Variants in RBFOX1 observed in about 807,000 individuals in gnomAD.
RBFOX1 encodes the protein RNA binding protein fox-1 homolog 1.
A neutral mutation model predicts 57.7 loss-of-function variants in RBFOX1; 8 were observed. The observed-to-expected ratio is 0.14, with a 90% CI of 0.08 to 0.25. RBFOX1 has a LOEUF of 0.25. RBFOX1 is among the 10% of genes least tolerant of loss of function. The pLI is 1.00. For missense variants in RBFOX1, 611 were observed against 548.5 expected, an observed-to-expected ratio of 1.11 and a Z score of -1.14; for synonymous variants, 326 against 222.4, an observed-to-expected ratio of 1.47 and a Z score of -4.15.
chr16:6,894,738 T>C (rs552234738), intron 3 of RBFOX1, among the ~76,000 whole-genome samples: 1 of 152,192 alleles, frequency 6.6e-6, no homozygotes, highest in Non-Finnish European at 1.5e-5. Flanking sequence ...TACCAACAGA[T>C]TGTATCAGTT....
intron 3 of RBFOX1, among the ~76,000 whole-genome samples, chr16:6,791,473 A>G (rs908241081): frequency 6.6e-6 from 1 of 152,200 alleles, no homozygotes; most frequent in Non-Finnish European, 1.5e-5. Flanking sequence ...AAAGTAGAGC[A>G]TCACGCCAGT....
At chr16:6,242,293 T>G (rs2152928027) in intron 1 of RBFOX1, among the ~76,000 whole-genome samples, 1 of 152,314 alleles carries the variant, frequency 6.6e-6, no homozygotes, top group African/African-American at 2.4e-5. Context: ...CCTTTGCTAC[T>G]TAATCAAATA....
At chr16:5,470,682 C>A (rs535547879) in intron 2 of RBFOX1, among the ~76,000 whole-genome samples, 118 of 152,028 alleles carry the variant, frequency 7.8e-4, no homozygotes, top group Non-Finnish European at 1.4e-3. Flanking sequence ...TGCAGGACCC[C>A]AGAGAGCTGA....
At chr16:6,488,843 T>C (rs2095563252) in intron 2 of RBFOX1, among the ~76,000 whole-genome samples, 1 of 152,128 alleles carries the variant, frequency 6.6e-6, no homozygotes. Context: ...AAACCAACAG[T>C]GCCACAGCTG....
chr16:6,717,641 ACT>A (rs1260929242), intron 3 of RBFOX1, among the ~76,000 whole-genome samples: 2 of 151,466 alleles, frequency 1.3e-5, no homozygotes, highest in African/African-American at 4.9e-5. Context: ...TCCTGGATCG[ACT>A]CTCTGTCAGC....
intron 4 of RBFOX1, among the ~76,000 whole-genome samples, chr16:7,345,288 G>C (rs1367348470): frequency 1.3e-5 from 2 of 152,070 alleles, no homozygotes. Context: ...CTCTGCATTT[G>C]TTTTGGCGAG....
intron 3 of RBFOX1, among the ~76,000 whole-genome samples, chr16:6,724,292 C>T (rs1248098909): frequency 4.0e-5 from 6 of 151,262 alleles, no homozygotes; most frequent in Admixed American, 2.0e-4. Context: ...TGACTGTAAC[C>T]TCTGCCTCCT....
chr16:5,476,024 C>G (rs537638815), intron 2 of RBFOX1, among the ~76,000 whole-genome samples: 10 of 152,154 alleles, frequency 6.6e-5, no homozygotes, highest in African/African-American at 2.2e-4. Flanking sequence ...GTATTTATAC[C>G]AAGCAGCTCA....
intron 4 of RBFOX1, among the ~76,000 whole-genome samples, chr16:7,343,674 C>G (rs1255364585): frequency 6.6e-6 from 1 of 152,088 alleles, no homozygotes; most frequent in African/African-American, 2.4e-5. Flanking sequence ...AGTAATATAT[C>G]TTAGGGAGGA....
intron 4 of RBFOX1, among the ~76,000 whole-genome samples, chr16:7,426,777 G>A (rs2098619692): frequency 6.6e-6 from 1 of 151,934 alleles, no homozygotes; most frequent in South Asian, 2.1e-4. Flanking sequence ...CTGCAGACAG[G>A]AGACTACACC....
At chr16:5,687,943 G>A (rs1162185428) in intron 3 of RBFOX1, among the ~76,000 whole-genome samples, 1 of 152,152 alleles carries the variant, frequency 6.6e-6, no homozygotes, top group African/African-American at 2.4e-5. Context: ...TACTGGGTTT[G>A]TTTTTCTCCT....
chr16:5,577,724 T>A (rs899735480), intron 2 of RBFOX1, among the ~76,000 whole-genome samples: 1 of 152,134 alleles, frequency 6.6e-6, no homozygotes, highest in Admixed American at 6.5e-5. Flanking sequence ...TGGGGCAGTG[T>A]GCCATGATCA....
chr16:7,081,252 C>A (rs533686463), intron 4 of RBFOX1, among the ~76,000 whole-genome samples: 1 of 152,212 alleles, frequency 6.6e-6, no homozygotes, highest in African/African-American at 2.4e-5. Context: ...CTGGGCTGGT[C>A]TTGAACTGCT....
chr16:7,055,492 A>G (rs2051844294), intron 4 of RBFOX1, among the ~76,000 whole-genome samples: 1 of 152,078 alleles, frequency 6.6e-6, no homozygotes, highest in African/African-American at 2.4e-5. Context: ...TCTGCCATCT[A>G]CCCCATATCA....
chr16:5,392,415 A>G (rs115580904), intron 1 of RBFOX1, among the ~76,000 whole-genome samples: 2,177 of 152,202 alleles, frequency 0.014, 59 homozygotes, highest in African/African-American at 0.049. Context: ...TTGGTACTGG[A>G]GGTAATACTT....
intron 3 of RBFOX1, among the ~76,000 whole-genome samples, chr16:6,860,978 G>T (rs999214598): frequency 1.3e-5 from 2 of 152,258 alleles, no homozygotes; most frequent in Admixed American, 1.3e-4. Context: ...ACGAGATAGA[G>T]CTATGTGGGA....
At chr16:6,793,516 C>G (rs1234474489) in intron 3 of RBFOX1, among the ~76,000 whole-genome samples, 1 of 152,070 alleles carries the variant, frequency 6.6e-6, no homozygotes, top group Non-Finnish European at 1.5e-5. Flanking sequence ...TTGGCCATTT[C>G]CAAACATTTC....
chr16:6,693,193 C>T (rs1466188960), intron 3 of RBFOX1, among the ~76,000 whole-genome samples: 2 of 151,502 alleles, frequency 1.3e-5, no homozygotes, highest in African/African-American at 4.9e-5. Flanking sequence ...TCCGCATCCG[C>T]TACCATCACC....
At position 5,335,857 on chromosome 16, in the gene RBFOX1, G is replaced by A. The variant is rs141586842; in HGVS notation, c.219+95752G>A. 7.9e-5 allele frequency among the ~76,000 whole-genome samples: 12 copies of A among 152,222 alleles called. No individual in the cohort carries two copies. The East Asian group carries it at 1.5e-3, about 20-fold the overall frequency. On this transcript the variant is annotated intron_variant, in intron 1 of 2. Transcript: ENST00000585867. ...TATCAAAAGATGTTCTCAGACTGCC[G>A]ACTCTTTGGGGGTGGTGATCATGGT...
Sources: gnomAD v4.1 joint callset for allele counts (sites outside exome capture counted in the v4.1 genomes callset) on GRCh38, gnomAD v4.1.1 for gene constraint, MANE v1.5 for transcripts, NCBI Gene and HGNC (gene_info 2026-07-23, HGNC 2026-07-21) for gene names.